The following NAT16 variants were observed in gnomAD, a reference collection of about 807,000 sequenced individuals.
The protein encoded by NAT16 is probable N-acetyltransferase 16.
A neutral mutation model predicts 15.9 loss-of-function variants in NAT16; 16 were observed. That is an observed-to-expected ratio of 1.01 (90% confidence interval 0.68 to 1.53). NAT16 has a LOEUF of 1.53. Ranked by LOEUF, NAT16 falls within the 40% of genes most tolerant of loss-of-function variation. The pLI is 0.00. For synonymous variants in NAT16, 260 were observed against 241.9 expected, an observed-to-expected ratio of 1.07 and a Z score of -0.69; for missense variants, 572 against 508.4, an observed-to-expected ratio of 1.13 and a Z score of -1.20.
In NAT16 at chr7:101,174,631, C is replaced by G. The variant is rs769189295; in HGVS notation, c.177G>C (p.Thr59=). Residue 59 remains threonine, a synonymous_variant, in exon 2 of 4, where the codon ACG becomes ACC. Transcript: ENST00000300303. The stretch of plus-strand genomic sequence containing the variant: ...CCAGCACTTCCTCAAACTCCCGTTC[C>G]GTGGCCACCACGAAGTCCAATGGCT... ...EAEPLDFVVA[T]EREFEEVLAI... 3.1e-6 allele frequency: 5 copies of G among 1,614,228 alleles called. No individual in the cohort carries two copies. Among genetic ancestry groups the G allele is most frequent in the Admixed American group, 1.7e-5 (1 of 60,028 alleles).
intron 1 of NAT16, among the ~76,000 whole-genome samples, chr7:101,177,116 T>C (rs915978744): frequency 1.4e-4 from 21 of 152,146 alleles, no homozygotes; most frequent in Non-Finnish European, 2.9e-4. Flanking sequence ...TACCTGGATA[T>C]GGAGCCAGAA....
At chr7:101,179,098 T>A (rs1797535823) in intron 1 of NAT16, 1 of 83,134 alleles carries the variant, frequency 1.2e-5, no homozygotes, top group African/African-American at 4.8e-5. Flanking sequence ...CCCACACACC[T>A]GAAATATCGA....
At position 101,174,601 on chromosome 7, in the gene NAT16, G is replaced by A. The variant is rs1280133277; in HGVS notation, c.207C>T (p.Ile69=). The change falls in exon 2 of 4, where the codon ATC becomes ATT. Residue 69 remains isoleucine (I), a synonymous_variant. Coordinates refer to ENST00000300303, the MANE Select transcript of NAT16 (RefSeq NM_198571.3). Reference sequence around the variant, plus strand: ...CCAGGCCGCCGTAGATGCCCCCCGAGATGGCCAGCACTTCCTCAAACTCCC... The same window carrying A: ...CCAGGCCGCCGTAGATGCCCCCCGAAATGGCCAGCACTTCCTCAAACTCCC... The part of the protein sequence containing the change: ...TEREFEEVLA[I]SGGIYGGLDY... 1 of 1,614,192 alleles carries A rather than the reference G, an allele frequency of 6.2e-7. No individual in the cohort carries two copies. Among genetic ancestry groups the A allele is most frequent in the East Asian group, 2.2e-5 (1 of 44,880 alleles).
intron 1 of NAT16, among the ~76,000 whole-genome samples, chr7:101,175,807 C>T (rs1016548288): frequency 6.6e-6 from 1 of 151,710 alleles, no homozygotes; most frequent in Non-Finnish European, 1.5e-5. Flanking sequence ...CCTGTAGTCC[C>T]AGCTGCTCTG....
intron 1 of NAT16, 97 bp from the exon 2 acceptor site, chr7:101,174,908 A>G: frequency 7.6e-7 from 1 of 1,320,180 alleles, no homozygotes; most frequent in Admixed American, 3.1e-5. Flanking sequence ...TTCCTACACA[A>G]ATAGCCTTTC....
chr7:101,173,431 G>C lies in NAT16; in HGVS notation c.402C>G (p.Gly134=). Residue 134 remains glycine (G), a synonymous_variant, in exon 3 of 4, where the codon GGC becomes GGG. Transcript: ENST00000300303. The part of the protein sequence containing the change: ...LRVAPWERGK[G]VAGLLQRFCS... Reference sequence around the variant, plus strand: ...AGAAGCGCTGCAGCAGCCCGGCCACGCCCTTCCCGCGCTCCCAGGGCGCCA... The same window carrying C: ...AGAAGCGCTGCAGCAGCCCGGCCACCCCCTTCCCGCGCTCCCAGGGCGCCA... 6.2e-7 allele frequency: 1 copy of C among 1,612,604 alleles called. No homozygotes were observed. Among genetic ancestry groups the C allele is most frequent in the Non-Finnish European group, 8.5e-7 (1 of 1,179,234 alleles).
At position 101,172,860 on chromosome 7, in the gene NAT16, C is replaced by A. The variant is rs1242435476; in HGVS notation, c.538-209G>T. On this transcript the variant is annotated intron_variant, in intron 3 of 3. Coordinates refer to ENST00000300303, the MANE Select transcript of NAT16 (RefSeq NM_198571.3). This position sits in a 1 kb window ranked among gnomAD's most constrained non-coding sequence, Gnocchi z 4.2. Reference sequence around the variant, plus strand: ...ACCAGACAGGGACCAGGGGCACGGGCTCCCAGTACGTGGATCCCCAAGAAG... The same window carrying A: ...ACCAGACAGGGACCAGGGGCACGGGATCCCAGTACGTGGATCCCCAAGAAG... Among the ~76,000 whole-genome samples the A allele has an allele frequency of 6.6e-6, 1 of 152,284 alleles. No homozygotes were observed. The highest frequency in any genetic ancestry group is 2.4e-5 in the African/African-American group (1 of 41,570).
At chr7:101,174,317 C>T in intron 2 of NAT16, 179 bp downstream of exon 2, 2 of 788,472 alleles carry the variant, frequency 2.5e-6, no homozygotes, top group Non-Finnish European at 3.9e-6. Context: ...CCACCCCACC[C>T]TCACTGACAT....
In NAT16 at chr7:101,174,801, G is replaced by A. The variant is rs1797430767; in HGVS notation, c.7C>T (p.Leu3=). 2.6e-6 allele frequency: 4 copies of A among 1,566,008 alleles called. No homozygotes were observed. The African/African-American group carries it at 5.4e-5, about 21-fold the overall frequency. MK[L]EASCGTATSE... ...GTGGCTGTGCCACAGCTGGCTTCCA[G>A]CTTCATGACCCTGCAGAAAAAAAGA... is the stretch of plus-strand genomic sequence containing the variant. Residue 3 remains leucine, a synonymous_variant, in exon 2 of 4, where the codon CTG becomes TTG. Transcript: ENST00000300303.
In NAT16 at chr7:101,172,539, G is replaced by A. The variant is rs749290510; in HGVS notation, c.650C>T (p.Ser217Phe). 3.2e-6 allele frequency: 5 copies of A among 1,568,728 alleles called. No homozygotes were observed. The highest frequency in any genetic ancestry group is 4.3e-6 in the Non-Finnish European group (5 of 1,165,656). ...TFSPLPTEAV[S>F]EAGGDVARLL... ...GCGTGCCACGTCGCCGCCTGCCTCGGACACGGCCTCGGTGGGCAGCGGCGA... is the reference window on the plus strand; with the variant it reads ...GCGTGCCACGTCGCCGCCTGCCTCGAACACGGCCTCGGTGGGCAGCGGCGA... The change falls in exon 4 of 4, where the codon TCC (serine) becomes TTC (phenylalanine). Residue 217 changes from serine to phenylalanine, a missense_variant. By Grantham distance (155) the Ser-to-Phe change is radical (BLOSUM62 -2). Coordinates refer to ENST00000300303, the MANE Select transcript of NAT16 (RefSeq NM_198571.3). This position sits in a 1 kb window ranked among gnomAD's most constrained non-coding sequence, Gnocchi z 4.2.
chr7:101,174,758 G>T lies in NAT16; in HGVS notation c.50C>A (p.Pro17Gln), dbSNP rs143939241. The change falls in exon 2 of 4, where the codon CCG (proline) becomes CAG (glutamine). Residue 17 changes from proline (P) to glutamine (Q), a missense_variant. Transcript: ENST00000300303. ...TGCATCTCGGGCAGTCTTCTTTTCC[G>T]GCTTAGGGACCTCTGAGGTGGCTGT... is the stretch of plus-strand genomic sequence containing the variant. The part of the protein sequence containing the change: ...CGTATSEVPK[P>Q]EKKTARDAEP... 5.0e-6 allele frequency: 8 copies of T among 1,602,502 alleles called. No individual in the cohort carries two copies. The African/African-American group carries it at 1.1e-4, about 21-fold the overall frequency.
rs993577258 is a variant in NAT16, at chr7:101,171,177, C to G, written c.*902G>C. On this transcript the variant is annotated 3_prime_UTR_variant, in exon 4 of 4. Transcript: ENST00000300303. The stretch of plus-strand genomic sequence containing the variant: ...ACTCTTCAGCTAGAACCACACCACA[C>G]ACACACCACCACCACCACCACCACC... 8 of 115,050 alleles carry G rather than the reference C, an allele frequency of 7.0e-5. No homozygotes were observed. The highest frequency in any genetic ancestry group is 2.1e-4 in the African/African-American group (8 of 38,220). 7.1% of individuals were successfully genotyped at this position (115,050 alleles called of 1,614,324 possible). A position where few individuals can be genotyped will look rare whatever the true frequency, so the allele number is the denominator to read the frequency against.
rs1428475020 is a variant in NAT16, at chr7:101,172,800, C to G, written c.538-149G>C. Reference sequence around the variant, plus strand: ...AGGAGCGACCGTGAGGGCTCCGGGCCGAGTGGGGTATGGGAAAGCCTGGGT... The same window carrying G: ...AGGAGCGACCGTGAGGGCTCCGGGCGGAGTGGGGTATGGGAAAGCCTGGGT... On this transcript the variant is annotated intron_variant, in intron 3 of 3. Transcript: ENST00000300303. This position sits in a 1 kb window ranked among gnomAD's most constrained non-coding sequence, Gnocchi z 4.2. 1.5e-6 allele frequency: 1 copy of G among 645,802 alleles called. No individual in the cohort carries two copies. Among genetic ancestry groups the G allele is most frequent in the Non-Finnish European group, 2.5e-6 (1 of 398,640 alleles). The allele number at this position is 645,802 out of a possible 1,614,324, so 40.0% of individuals were successfully genotyped here. A position where few individuals can be genotyped will look rare whatever the true frequency, so the allele number is the denominator to read the frequency against.
In NAT16 at chr7:101,172,675, G is replaced by T; in HGVS notation, c.538-24C>A. 1 of 1,450,708 alleles carries T rather than the reference G, an allele frequency of 6.9e-7. No homozygotes were observed. Among genetic ancestry groups the T allele is most frequent in the South Asian group, 1.4e-5 (1 of 72,478 alleles). 89.9% of individuals were successfully genotyped at this position (1,450,708 alleles called of 1,614,324 possible). The stretch of plus-strand genomic sequence containing the variant: ...CCCTGCGGGGGGCACGAGTGAGCGC[G>T]GGGAGGGGGGGCGCAGCAGGGCTGG... On this transcript the variant is annotated intron_variant, in intron 3 of 3. Coordinates refer to ENST00000300303, the MANE Select transcript of NAT16 (RefSeq NM_198571.3). The surrounding 1 kb of genome is among the most constrained non-coding windows in gnomAD (Gnocchi z 4.2).
At chr7:101,175,433 C>G (rs1797443053) in intron 1 of NAT16, among the ~76,000 whole-genome samples, 1 of 152,004 alleles carries the variant, frequency 6.6e-6, no homozygotes, top group African/African-American at 2.4e-5. Flanking sequence ...GCTGTCCACA[C>G]AGACCCTGGG....
At chr7:101,174,155 C>A in intron 2 of NAT16, 1 of 402,640 alleles carries the variant, frequency 2.5e-6, no homozygotes, top group East Asian at 3.8e-5. Context: ...CTCCCCCAGC[C>A]CAAATCTAAG....
intron 1 of NAT16, among the ~76,000 whole-genome samples, chr7:101,175,192 C>T (rs1797439369): frequency 6.6e-6 from 1 of 152,082 alleles, no homozygotes; most frequent in African/African-American, 2.4e-5. Flanking sequence ...TGACTTCAGG[C>T]GATCCTCCTA....
chr7:101,176,785 A>T (rs1289883635), intron 1 of NAT16, among the ~76,000 whole-genome samples: 1 of 152,174 alleles, frequency 6.6e-6, no homozygotes, highest in African/African-American at 2.4e-5. Flanking sequence ...TCTTTCAGCC[A>T]ATGATAATGC....
chr7:101,172,405 T>C lies in NAT16; in HGVS notation c.784A>G (p.Lys262Glu). The change falls in exon 4 of 4, where the codon AAG (lysine) becomes GAG (glutamate). Residue 262 changes from lysine (K) to glutamate (E), a missense_variant. Lys to Glu is a moderately conservative substitution (Grantham distance 56). Transcript: ENST00000300303. The surrounding 1 kb of genome is among the most constrained non-coding windows in gnomAD (Gnocchi z 4.2). Reference protein sequence around the residue: ...SESNLRLLAAKGLEWRVDSRA... With the variant: ...SESNLRLLAAEGLEWRVDSRA... ...CTGTCCACGCGCCACTCCAGGCCCT[T>C]GGCCGCCAGCAGGCGCAGGTTGCTT... 6.3e-7 allele frequency: 1 copy of C among 1,577,006 alleles called. No individual in the cohort carries two copies. The highest frequency in any genetic ancestry group is 8.6e-7 in the Non-Finnish European group (1 of 1,164,230).
Sources: allele counts gnomAD v4.1 joint callset (sites outside exome capture counted in the v4.1 genomes callset), GRCh38; gene constraint gnomAD v4.1.1; non-coding constraint Gnocchi (gnomAD v3.1); transcripts MANE v1.5; gene names NCBI Gene and HGNC (gene_info 2026-07-23, HGNC 2026-07-21).